Variants in MAP2 observed in about 807,000 individuals in gnomAD.
MAP2 encodes the protein microtubule associated protein 2.
In MAP2, 14 loss-of-function variants were observed where a neutral mutation model predicts 137.6. The observed-to-expected ratio is 0.10, with a 90% confidence interval of 0.07 to 0.16. The LOEUF is 0.16. MAP2 is among the 10% of genes least tolerant of loss of function. MAP2 has a pLI of 1.00. For synonymous variants in MAP2, 786 were observed against 782.3 expected, an observed-to-expected ratio of 1.00 and a Z score of -0.08; for missense variants, 2,088 against 2,191.5, an observed-to-expected ratio of 0.95 and a Z score of 0.94.
chr2:209,723,785 C>G, intron 13 of MAP2: 1 of 780,194 alleles, frequency 1.3e-6, no homozygotes, highest in Non-Finnish European at 2.2e-6. Context: ...CAACACACTG[C>G]TCCTTTCTCA....
intron 1 of MAP2, among the ~76,000 whole-genome samples, chr2:209,496,490 C>T (rs2059772572): frequency 6.6e-6 from 1 of 152,156 alleles, no homozygotes; most frequent in South Asian, 2.1e-4. Context: ...AATTATATCA[C>T]CACAAATTTA....
intron 7 of MAP2, among the ~76,000 whole-genome samples, chr2:209,687,620 C>T (rs951373694): frequency 6.6e-6 from 1 of 152,122 alleles, no homozygotes; most frequent in African/African-American, 2.4e-5. Flanking sequence ...GCTTCTGTGG[C>T]CCTTCCTGCC....
chr2:209,682,864 C>T (rs1031718885), intron 7 of MAP2, among the ~76,000 whole-genome samples: 4 of 152,028 alleles, frequency 2.6e-5, no homozygotes, highest in South Asian at 2.1e-4. Context: ...CTGAATGCAG[C>T]GGGAAGCCTG....
chr2:209,583,147 G>GTCTATCTA (rs3036663), intron 3 of MAP2, among the ~76,000 whole-genome samples: 36,944 of 147,034 alleles, frequency 0.25, 4,822 homozygotes, highest in South Asian at 0.29. Flanking sequence ...CTGTCTGTCT[G>GTCTATCTA]TCTATCTATC....
chr2:209,575,304 G>A (rs550919362), intron 2 of MAP2, among the ~76,000 whole-genome samples: 10 of 151,962 alleles, frequency 6.6e-5, no homozygotes, highest in South Asian at 6.2e-4. Context: ...GGCGGATCAC[G>A]AGGTCAGAAG....
At chr2:209,465,120 G>A (rs559582431) in intron 1 of MAP2, among the ~76,000 whole-genome samples, 1 of 152,210 alleles carries the variant, frequency 6.6e-6, no homozygotes, top group South Asian at 2.1e-4. Context: ...GAGCTGGAAG[G>A]AGACTTAGGG....
chr2:209,586,348 A>T (rs1350422121), intron 3 of MAP2, among the ~76,000 whole-genome samples: 1 of 152,126 alleles, frequency 6.6e-6, no homozygotes, highest in African/African-American at 2.4e-5. Flanking sequence ...TGGGCTTGGC[A>T]TGCAAAATGT....
At chr2:209,579,731 G>T (rs2075971488) in intron 2 of MAP2, 1 of 152,178 alleles carries the variant, frequency 6.6e-6, no homozygotes, top group Admixed American at 6.5e-5. Flanking sequence ...GGCTAGACTT[G>T]AGTGGTATTG....
chr2:209,691,764 G>C (rs1365045180), intron 7 of MAP2, among the ~76,000 whole-genome samples: 2 of 152,130 alleles, frequency 1.3e-5, no homozygotes, highest in African/African-American at 4.8e-5. Context: ...AAGGATTGAG[G>C]TCATGACCAT....
At chr2:209,669,768 CAT>C (rs557235725) in intron 5 of MAP2, among the ~76,000 whole-genome samples, 72 of 151,748 alleles carry the variant, frequency 4.7e-4, no homozygotes, top group Non-Finnish European at 8.4e-4. Flanking sequence ...TGAGTCCTAA[CAT>C]GTGCATACAC....
chr2:209,504,283 C>A (rs1307909116), intron 1 of MAP2, among the ~76,000 whole-genome samples: 1 of 151,236 alleles, frequency 6.6e-6, no homozygotes, highest in Non-Finnish European at 1.5e-5. Context: ...AAAAATCCCA[C>A]AGTATCATTT....
At chr2:209,721,175 A>T (rs893196517) in intron 13 of MAP2, among the ~76,000 whole-genome samples, 1 of 152,196 alleles carries the variant, frequency 6.6e-6, no homozygotes, top group African/African-American at 2.4e-5. Context: ...GCAAGTTGTC[A>T]AGCTAGAGTG....
chr2:209,683,646 A>G (rs2055753456), intron 7 of MAP2, among the ~76,000 whole-genome samples: 1 of 152,194 alleles, frequency 6.6e-6, no homozygotes, highest in Non-Finnish European at 1.5e-5. Flanking sequence ...TACTCAGCCC[A>G]AATTCCATCA....
At chr2:209,615,197 T>TC (rs1462647128) in intron 3 of MAP2, among the ~76,000 whole-genome samples, 1 of 152,182 alleles carries the variant, frequency 6.6e-6, no homozygotes. Flanking sequence ...TGGTGCTCTG[T>TC]CCCCTGTGTT....
chr2:209,478,500 A>G (rs1280478298), intron 1 of MAP2, among the ~76,000 whole-genome samples: 1 of 152,204 alleles, frequency 6.6e-6, no homozygotes, highest in African/African-American at 2.4e-5. Context: ...TTGAAATACA[A>G]TTTACAAAAC....
intron 1 of MAP2, among the ~76,000 whole-genome samples, chr2:209,484,523 C>T (rs535616239): frequency 6.6e-6 from 1 of 152,276 alleles, no homozygotes; most frequent in South Asian, 2.1e-4. Flanking sequence ...AACCCTGTCT[C>T]TACTAAAAAT....
At chr2:209,444,727 G>A (rs1228414377) in intron 1 of MAP2, among the ~76,000 whole-genome samples, 7 of 151,422 alleles carry the variant, frequency 4.6e-5, no homozygotes, top group Admixed American at 4.6e-4. Flanking sequence ...TTTTCAAACT[G>A]AGTCATCGTT....
At chr2:209,715,473 C>A (rs1337434266) in intron 13 of MAP2, among the ~76,000 whole-genome samples, 1 of 151,490 alleles carries the variant, frequency 6.6e-6, no homozygotes, top group East Asian at 1.9e-4. Flanking sequence ...TAAATTCTTG[C>A]CATCATGGAA....
intron 2 of MAP2, among the ~76,000 whole-genome samples, chr2:209,569,188 A>T (rs2153368739): frequency 6.6e-6 from 1 of 151,960 alleles, no homozygotes; most frequent in African/African-American, 2.4e-5. Context: ...CAAATAGCTA[A>T]CCAAGACCCA....
Sources: allele counts gnomAD v4.1 joint callset (sites outside exome capture counted in the v4.1 genomes callset), GRCh38; gene constraint gnomAD v4.1.1; transcripts MANE v1.5; gene names NCBI Gene and HGNC (gene_info 2026-07-23, HGNC 2026-07-21).